Variants in PAPSS2 observed in about 807,000 individuals in gnomAD.
PAPSS2 encodes the protein bifunctional 3'-phosphoadenosine 5'-phosphosulfate synthase 2.
A neutral mutation model predicts 66.5 loss-of-function variants in PAPSS2; 61 were observed. The ratio of observed to expected loss-of-function variants is 0.92; its 90% CI spans 0.75 to 1.14. PAPSS2 has a LOEUF of 1.14. Ranked by LOEUF, PAPSS2 falls within the 50% of genes most tolerant of loss-of-function variation. The pLI, the probability that PAPSS2 is intolerant of heterozygous loss-of-function variation, is 0.00. For synonymous variants in PAPSS2, 289 were observed against 287.5 expected, an observed-to-expected ratio of 1.01 and a Z score of -0.05; for missense variants, 708 against 789.6, an observed-to-expected ratio of 0.90 and a Z score of 1.24.
chr10:87,682,164 C>T (rs1589422540), intron 1 of PAPSS2, among the ~76,000 whole-genome samples: 2 of 152,326 alleles, frequency 1.3e-5, no homozygotes, highest in East Asian at 3.9e-4. Flanking sequence ...AAGTATTAGA[C>T]TTACAGGGAA....
chr10:87,724,738 A>T (rs906562187), intron 8 of PAPSS2, among the ~76,000 whole-genome samples: 9 of 148,658 alleles, frequency 6.1e-5, no homozygotes, highest in Non-Finnish European at 1.3e-4. Context: ...TATAGATATT[A>T]TATCTGAATT....
chr10:87,718,276 C>T (rs1853555895), intron 7 of PAPSS2, among the ~76,000 whole-genome samples: 1 of 152,138 alleles, frequency 6.6e-6, no homozygotes, highest in South Asian at 2.1e-4. Context: ...GATAATCTGC[C>T]CGCCTCAGCC....
intron 1 of PAPSS2, among the ~76,000 whole-genome samples, chr10:87,685,992 G>A (rs1324599823): frequency 2.6e-5 from 4 of 152,108 alleles, no homozygotes; most frequent in African/African-American, 4.8e-5. Context: ...TTGGCCTTTG[G>A]TGTGATGACG....
Position 87,746,165 on chromosome 10 carries a change from C to T in PAPSS2, c.*195C>T. ...TATACATACAAAGTCAAACTGAAGA[C>T]CAAATCTTAGCAGGTAAAAGCAATA... On this transcript the variant is annotated 3_prime_UTR_variant, in exon 13 of 13. Coordinates refer to ENST00000456849, the MANE Select transcript of PAPSS2 (RefSeq NM_001015880.2). 2.3e-6 allele frequency: 1 copy of T among 439,280 alleles called. No individual in the cohort carries two copies. The highest frequency in any genetic ancestry group is 3.9e-6 in the Non-Finnish European group (1 of 254,328). 27.2% of individuals were successfully genotyped at this position (439,280 alleles called of 1,614,324 possible).
chr10:87,719,304 T>C (rs775292323), intron 7 of PAPSS2, among the ~76,000 whole-genome samples: 10 of 152,186 alleles, frequency 6.6e-5, no homozygotes, highest in Non-Finnish European at 1.3e-4. Context: ...TGGGCCAAAT[T>C]ACTTAAACTC....
intron 9 of PAPSS2, among the ~76,000 whole-genome samples, chr10:87,731,195 C>T (rs1853724632): frequency 6.6e-6 from 1 of 152,128 alleles, no homozygotes; most frequent in Non-Finnish European, 1.5e-5. Context: ...ATCCTAGGGT[C>T]CTTAAGGATT....
Position 87,747,398 on chromosome 10 carries a change from A to G in PAPSS2, c.*1428A>G, listed in dbSNP as rs1220720170. 2 of 152,244 alleles carry G rather than the reference A, an allele frequency of 1.3e-5. No homozygotes were observed. Among genetic ancestry groups the G allele is most frequent in the African/African-American group, 2.4e-5 (1 of 41,462 alleles). 9.4% of individuals were successfully genotyped at this position (152,244 alleles called of 1,614,324 possible). A position where few individuals can be genotyped will look rare whatever the true frequency, so the allele number is the denominator to read the frequency against. Reference sequence around the variant, plus strand: ...ACAATTTTCATATTCTCATTCTTAAAAAACACTAATCTTAACTAACAAAAG... The same window carrying G: ...ACAATTTTCATATTCTCATTCTTAAGAAACACTAATCTTAACTAACAAAAG... On this transcript the variant is annotated 3_prime_UTR_variant, in exon 13 of 13. Coordinates refer to ENST00000456849, the MANE Select transcript of PAPSS2 (RefSeq NM_001015880.2).
At chr10:87,697,435 C>A (rs1853248407) in intron 1 of PAPSS2, among the ~76,000 whole-genome samples, 1 of 152,132 alleles carries the variant, frequency 6.6e-6, no homozygotes, top group South Asian at 2.1e-4. Context: ...AGACACAGAC[C>A]CCTGACCTGG....
At chr10:87,729,959 G>C (rs181745604) in intron 9 of PAPSS2, among the ~76,000 whole-genome samples, 41 of 152,198 alleles carry the variant, frequency 2.7e-4, no homozygotes, top group Non-Finnish European at 4.4e-5. Flanking sequence ...TAGCGCCATT[G>C]CACTCCAGCC....
intron 1 of PAPSS2, among the ~76,000 whole-genome samples, chr10:87,662,454 G>A (rs1175050007): frequency 6.6e-6 from 1 of 152,118 alleles, no homozygotes; most frequent in African/African-American, 2.4e-5. Context: ...CATTCCTTCT[G>A]TTTTATGCAT....
intron 1 of PAPSS2, among the ~76,000 whole-genome samples, chr10:87,676,872 CAAAAAAAAAAAAAAAAAAA>C (rs71019493): frequency 2.2e-4 from 7 of 31,366 alleles, no homozygotes; most frequent in Admixed American, 5.7e-4. Flanking sequence ...GACCCTGTCT[CAAAAAAAAAAAAAAAAAAA>C]AAAAAAAAAA....
chr10:87,745,367 C>A (rs1014073469), intron 12 of PAPSS2, 136 bp downstream of exon 12: 11 of 715,062 alleles, frequency 1.5e-5, no homozygotes, highest in Non-Finnish European at 2.5e-5. Context: ...AGAGTCAAGA[C>A]GTGGTCTTAT....
At chr10:87,692,058 C>T (rs1325753684) in intron 1 of PAPSS2, among the ~76,000 whole-genome samples, 1 of 152,174 alleles carries the variant, frequency 6.6e-6, no homozygotes, top group Non-Finnish European at 1.5e-5. Context: ...GAGCAATTAG[C>T]TAACTAACAG....
At chr10:87,687,004 T>C (rs1238720377) in intron 1 of PAPSS2, among the ~76,000 whole-genome samples, 1 of 152,232 alleles carries the variant, frequency 6.6e-6, no homozygotes. Context: ...ACTTTTTTGA[T>C]ATAAGTATGT....
intron 10 of PAPSS2, among the ~76,000 whole-genome samples, chr10:87,742,728 C>A (rs1157745047): frequency 6.6e-6 from 1 of 152,192 alleles, no homozygotes; most frequent in Non-Finnish European, 1.5e-5. Flanking sequence ...AATTATTCAC[C>A]TCCCTCTAGG....
chr10:87,685,752 G>A (rs1232230564), intron 1 of PAPSS2, among the ~76,000 whole-genome samples: 2 of 152,144 alleles, frequency 1.3e-5, no homozygotes, highest in Admixed American at 1.3e-4. Flanking sequence ...TCAGGTAGAG[G>A]CTACAGATTT....
chr10:87,692,365 G>A (rs933326337), intron 1 of PAPSS2, among the ~76,000 whole-genome samples: 3 of 152,136 alleles, frequency 2.0e-5, no homozygotes, highest in Non-Finnish European at 4.4e-5. Flanking sequence ...CTTGGAAGCA[G>A]GTACAAATCA....
chr10:87,687,801 T>C (rs548180335), intron 1 of PAPSS2, among the ~76,000 whole-genome samples: 3 of 151,924 alleles, frequency 2.0e-5, no homozygotes, highest in Non-Finnish European at 4.4e-5. Flanking sequence ...TGTACAGTTA[T>C]GTCTCAATTA....
At chr10:87,718,634 C>T (rs1395200723) in intron 7 of PAPSS2, among the ~76,000 whole-genome samples, 1 of 152,202 alleles carries the variant, frequency 6.6e-6, no homozygotes, top group Non-Finnish European at 1.5e-5. Flanking sequence ...CTGTGTGATT[C>T]TGTGGGTCTG....
Sources: allele counts gnomAD v4.1 joint callset (sites outside exome capture counted in the v4.1 genomes callset), GRCh38; gene constraint gnomAD v4.1.1; transcripts MANE v1.5; gene names NCBI Gene and HGNC (gene_info 2026-07-23, HGNC 2026-07-21).